Variants in KIAA1958 observed in about 807,000 individuals in gnomAD.
KIAA1958 encodes the protein KIAA1958.
In KIAA1958, 14 loss-of-function variants were observed where a neutral mutation model predicts 47.2. That is an observed-to-expected ratio of 0.30 (90% CI 0.20 to 0.46). KIAA1958 has a LOEUF of 0.46. KIAA1958 is among the 20% of genes least tolerant of loss of function. KIAA1958 has a pLI of 1.00. For synonymous variants in KIAA1958, 354 were observed against 353.3 expected (o/e 1.00, Z -0.02); for missense variants, 803 against 909.2 (o/e 0.88, Z 1.50).
chr9:112,624,444 A>C (rs928725511), intron 2 of KIAA1958, among the ~76,000 whole-genome samples: 1 of 152,246 alleles, frequency 6.6e-6, no homozygotes, highest in African/African-American at 2.4e-5. Context: ...ATAATTTTAG[A>C]GATCCTTGCC....
At chr9:112,589,463 G>A (rs1835882519) in intron 2 of KIAA1958, among the ~76,000 whole-genome samples, 1 of 152,148 alleles carries the variant, frequency 6.6e-6, no homozygotes. Flanking sequence ...ATGGTGGCAT[G>A]TGCCTGTAAT....
intron 3 of KIAA1958, among the ~76,000 whole-genome samples, chr9:112,658,203 C>G (rs536144194): frequency 1.3e-5 from 2 of 152,200 alleles, no homozygotes; most frequent in Non-Finnish European, 1.5e-5. Context: ...ACCTGTGGCT[C>G]ATTAAACCAC....
intron 2 of KIAA1958, among the ~76,000 whole-genome samples, chr9:112,629,573 G>A (rs977534346): frequency 5.3e-5 from 8 of 152,114 alleles, no homozygotes; most frequent in Non-Finnish European, 8.8e-5. Flanking sequence ...TTTGTTAAGA[G>A]TACTCTCATC....
intron 2 of KIAA1958, among the ~76,000 whole-genome samples, chr9:112,578,463 C>A (rs1267537349): frequency 6.6e-6 from 1 of 152,066 alleles, no homozygotes; most frequent in Non-Finnish European, 1.5e-5. Flanking sequence ...CAGATCATTG[C>A]AGAAATACTG....
intron 1 of KIAA1958, among the ~76,000 whole-genome samples, chr9:112,554,433 G>A (rs897630881): frequency 6.6e-6 from 1 of 152,050 alleles, no homozygotes; most frequent in Admixed American, 6.6e-5. Context: ...GGGAGGCAGA[G>A]GTTGCAGTGA....
intron 1 of KIAA1958, among the ~76,000 whole-genome samples, chr9:112,501,863 A>G (rs1834146780): frequency 6.6e-6 from 1 of 152,246 alleles, no homozygotes; most frequent in South Asian, 2.1e-4. Context: ...TTGCAGCAAT[A>G]TGATAGACAA....
intron 3 of KIAA1958, among the ~76,000 whole-genome samples, chr9:112,655,662 T>C (rs1265086260): frequency 3.3e-5 from 5 of 152,200 alleles, no homozygotes; most frequent in Admixed American, 6.5e-5. Flanking sequence ...GAAACCATTT[T>C]CAACTTTGGC....
intron 2 of KIAA1958, among the ~76,000 whole-genome samples, chr9:112,600,160 A>G (rs1836104541): frequency 1.3e-5 from 2 of 152,126 alleles, no homozygotes; most frequent in Admixed American, 1.3e-4. Context: ...AGAATGCTTA[A>G]TTTCTTTTCT....
chr9:112,637,992 T>TAC (rs1836833358), intron 2 of KIAA1958, among the ~76,000 whole-genome samples: 1 of 151,932 alleles, frequency 6.6e-6, no homozygotes, highest in Non-Finnish European at 1.5e-5. Context: ...CTAATAAAAA[T>TAC]ACAAAAATTA....
At chr9:112,544,230 T>G (rs768462176) in intron 1 of KIAA1958, among the ~76,000 whole-genome samples, 1 of 152,232 alleles carries the variant, frequency 6.6e-6, no homozygotes. Flanking sequence ...TTCAAAATTT[T>G]TCTGTACTAT....
chr9:112,494,880 C>G (rs1352821651), intron 1 of KIAA1958, among the ~76,000 whole-genome samples: 1 of 152,166 alleles, frequency 6.6e-6, no homozygotes, highest in South Asian at 2.1e-4. Flanking sequence ...CTCTTGTTAT[C>G]TGGCAAGATT....
chr9:112,499,913 C>T (rs1191017114), intron 1 of KIAA1958, among the ~76,000 whole-genome samples: 1 of 151,854 alleles, frequency 6.6e-6, no homozygotes, highest in Non-Finnish European at 1.5e-5. Context: ...TGGTCTCTAT[C>T]TCCTGACCTC....
chr9:112,588,944 T>G (rs904571118), intron 2 of KIAA1958, among the ~76,000 whole-genome samples: 1 of 150,920 alleles, frequency 6.6e-6, no homozygotes, highest in South Asian at 2.1e-4. Context: ...TCCTCTAATA[T>G]GACTAAAAAA....
chr9:112,541,432 C>G (rs1215246859), intron 1 of KIAA1958, among the ~76,000 whole-genome samples: 1 of 151,872 alleles, frequency 6.6e-6, no homozygotes, highest in Non-Finnish European at 1.5e-5. Flanking sequence ...ATAATCAGCC[C>G]ACAGGACTGA....
intron 2 of KIAA1958, among the ~76,000 whole-genome samples, chr9:112,595,696 A>G (rs1055380152): frequency 7.3e-6 from 1 of 136,278 alleles, no homozygotes; most frequent in African/African-American, 2.8e-5. Flanking sequence ...AAAAAAAAAA[A>G]TTAAGCTTTA....
At chr9:112,653,590 A>G (rs1289107668) in intron 3 of KIAA1958, among the ~76,000 whole-genome samples, 1 of 152,130 alleles carries the variant, frequency 6.6e-6, no homozygotes, top group Non-Finnish European at 1.5e-5. Flanking sequence ...AACACCATGC[A>G]CTAAGCCAGT....
In KIAA1958 at chr9:112,618,587, G is replaced by A. The variant is rs770305248; in HGVS notation, c.1172-27063G>A. ...GGAGTATGCCCAGCGGCGGCCTCCC[G>A]CCATGCGCTACGAGGATGCCCCTTT... On this transcript the variant is annotated intron_variant, in intron 2 of 3. Transcript: ENST00000337530. The surrounding 1 kb of genome is among the most constrained non-coding windows in gnomAD (Gnocchi z 7.1). 16 of 1,550,636 alleles carry A rather than the reference G, an allele frequency of 1.0e-5. No individual in the cohort carries two copies. Among genetic ancestry groups the A allele is most frequent in the South Asian group, 2.4e-5 (2 of 84,064 alleles).
At chr9:112,524,778 A>G (rs998263742) in intron 1 of KIAA1958, among the ~76,000 whole-genome samples, 2 of 152,188 alleles carry the variant, frequency 1.3e-5, no homozygotes, top group Admixed American at 6.5e-5. Flanking sequence ...TAGCCACTGT[A>G]GAAGAGGATT....
At chr9:112,569,661 C>G (rs1211002947) in intron 1 of KIAA1958, among the ~76,000 whole-genome samples, 2 of 151,622 alleles carry the variant, frequency 1.3e-5, no homozygotes, top group African/African-American at 4.9e-5. Flanking sequence ...GCTCTTGTCA[C>G]CCAGGCTGGT....
Sources: gnomAD v4.1 joint callset for allele counts (sites outside exome capture counted in the v4.1 genomes callset) on GRCh38, gnomAD v4.1.1 for gene constraint, Gnocchi (gnomAD v3.1) non-coding constraint, MANE v1.5 for transcripts, NCBI Gene and HGNC (gene_info 2026-07-23, HGNC 2026-07-21) for gene names.